HSPA13: variants seen among roughly 807,000 people sequenced by gnomAD.
HSPA13 encodes the protein heat shock protein family A (Hsp70) member 13.
HSPA13 carries 29 observed loss-of-function variants against 38.8 expected under a neutral mutation model. That is an observed-to-expected ratio of 0.75 (90% CI 0.56 to 1.02). The LOEUF (loss-of-function observed/expected upper bound fraction) is 1.02, where lower values mean the gene tolerates loss of function less well. Among genes scored for constraint, HSPA13 ranks in the 50% least tolerant of loss-of-function variants. The probability of loss-of-function intolerance (pLI) is 0.00; values close to 1 mark genes in which losing one functional copy is unlikely to be tolerated. For missense variants in HSPA13, 451 were observed against 560.9 expected, an observed-to-expected ratio of 0.80 and a Z score of 1.98; for synonymous variants, 192 against 205.3, an observed-to-expected ratio of 0.94 and a Z score of 0.56.
chr21:14,372,967 T>C lies in HSPA13; in HGVS notation c.*650A>G, dbSNP rs1404745011. ...TTTCTATTATATGGTGCTGAAACAT[T>C]TGAATACCTTTAGAAATAAAATAAA... On this transcript the variant is annotated 3_prime_UTR_variant, in exon 5 of 5. Transcript: ENST00000285667. 6.6e-6 allele frequency: 1 copy of C among 152,194 alleles called. No individual in the cohort carries two copies. Among genetic ancestry groups the C allele is most frequent in the Admixed American group, 6.5e-5 (1 of 15,272 alleles). 9.4% of individuals were successfully genotyped at this position (152,194 alleles called of 1,614,324 possible).
chr21:14,377,663 C>G (rs1486707063), intron 3 of HSPA13, among the ~76,000 whole-genome samples: 1 of 152,202 alleles, frequency 6.6e-6, no homozygotes, highest in East Asian at 1.9e-4. Flanking sequence ...CACCCTCAAT[C>G]TGGGTGGGCA....
At position 14,371,787 on chromosome 21, in the gene HSPA13, T is replaced by A. The variant is rs537504995; in HGVS notation, c.*1830A>T. ...CTTTATGTTTTAAGCTGATCCTATA[T>A]ATGGAGATTTTGAGATAAATTGGAA... On this transcript the variant is annotated 3_prime_UTR_variant, in exon 5 of 5. Coordinates refer to ENST00000285667, the MANE Select transcript of HSPA13 (RefSeq NM_006948.5). 3 of 152,202 alleles carry A rather than the reference T, an allele frequency of 2.0e-5. No homozygotes were observed. The highest frequency in any genetic ancestry group is 4.4e-5 in the Non-Finnish European group (3 of 67,940). The allele number at this position is 152,202 out of a possible 1,614,324, so 9.4% of individuals were successfully genotyped here.
Position 14,375,777 on chromosome 21 carries a change from G to C in HSPA13, c.623C>G (p.Ala208Gly). ...LRVINEPTAA[A>G]MAYGLHKADV... ...AGCCTTGTGGAGACCATAGGCCATA[G>C]CTGCTGCTGTGGGTTCATTTATTAC... Residue 208 changes from alanine (A) to glycine (G), a missense_variant, in exon 4 of 5, where the codon GCT becomes GGT. Physicochemically the swap from Ala to Gly is moderately conservative, Grantham distance 60 (BLOSUM62 0). Coordinates refer to ENST00000285667, the MANE Select transcript of HSPA13 (RefSeq NM_006948.5). 1 of 1,613,980 alleles carries C rather than the reference G, an allele frequency of 6.2e-7. No individual in the cohort carries two copies. The highest frequency in any genetic ancestry group is 8.5e-7 in the Non-Finnish European group (1 of 1,179,902).
In HSPA13 at chr21:14,371,728, G is replaced by T. The variant is rs1329393956; in HGVS notation, c.*1889C>A. On this transcript the variant is annotated 3_prime_UTR_variant, in exon 5 of 5. Coordinates refer to ENST00000285667, the MANE Select transcript of HSPA13 (RefSeq NM_006948.5). ...CATTAACGGATTAAGAGACTGTCTT[G>T]AACATCTCAAACATTTGAGAAATTC... 1 of 152,026 alleles carries T rather than the reference G, an allele frequency of 6.6e-6. No individual in the cohort carries two copies. Among genetic ancestry groups the T allele is most frequent in the Admixed American group, 6.5e-5 (1 of 15,276 alleles). The allele number at this position is 152,026 out of a possible 1,614,324, so 9.4% of individuals were successfully genotyped here.
rs779884462 is a variant in HSPA13 at position 14,378,296 on chromosome 21, T to C, written c.483A>G (p.Ala161=). 6.2e-6 allele frequency: 10 copies of C among 1,613,946 alleles called. No individual in the cohort carries two copies. In the Admixed American group the frequency reaches 6.7e-5, roughly 11 times the overall value. Residue 161 remains alanine, a synonymous_variant, in exon 3 of 5, where the codon GCA becomes GCG. Coordinates refer to ENST00000285667, the MANE Select transcript of HSPA13 (RefSeq NM_006948.5). ...CATTGGCAACTGGCATTCCAAGATA[T>C]GCCTCTGCCATTTCCTTTAACTTCA... ...LLLKLKEMAE[A]YLGMPVANAV...
intron 3 of HSPA13, 23 bp downstream of exon 3, chr21:14,378,176 A>G (rs1482301404): frequency 5.1e-6 from 8 of 1,577,742 alleles, no homozygotes; most frequent in South Asian, 2.2e-5. Context: ...AGAAAAATGC[A>G]TCTCAGTCAA....
At chr21:14,382,436 T>C (rs1289695979) in intron 1 of HSPA13, among the ~76,000 whole-genome samples, 3 of 152,232 alleles carry the variant, frequency 2.0e-5, no homozygotes, top group African/African-American at 7.2e-5. Flanking sequence ...GGCTGTGTTA[T>C]ACACCTGTGT....
chr21:14,374,030 A>C lies in HSPA13; in HGVS notation c.1003T>G (p.Ser335Ala), dbSNP rs1197789906. ...CTGTTCACGCGATGGTCATCTGCTG[A>C]GGAAAGTTTGTCTTTTGGCAGTTCA... ...DTELPKDKLS[S>A]ADDHRVNSGF... The change falls in exon 5 of 5, where the codon TCA (serine) becomes GCA (alanine). Residue 335 changes from serine to alanine, a missense_variant. By Grantham distance (99) the Ser-to-Ala change is moderately conservative. Transcript: ENST00000285667. 6.2e-7 allele frequency: 1 copy of C among 1,614,214 alleles called. No homozygotes were observed. The highest frequency in any genetic ancestry group is 2.2e-5 in the East Asian group (1 of 44,886).
chr21:14,372,587 A>G lies in HSPA13; in HGVS notation c.*1030T>C, dbSNP rs1399775314. The G allele has an allele frequency of 6.6e-6, 1 of 152,184 alleles. No homozygotes were observed. The highest frequency in any genetic ancestry group is 6.5e-5 in the Admixed American group (1 of 15,284). The allele number at this position is 152,184 out of a possible 1,614,324, so 9.4% of individuals were successfully genotyped here. On this transcript the variant is annotated 3_prime_UTR_variant, in exon 5 of 5. Coordinates refer to ENST00000285667, the MANE Select transcript of HSPA13 (RefSeq NM_006948.5). ...GTGATTATTTAAAAATAATAATAGA[A>G]AACAATAACACAGCTTTTATAATTG...
At chr21:14,381,133 T>C (rs113146632) in intron 2 of HSPA13, 70 bp downstream of exon 2, 1 of 1,155,728 alleles carries the variant, frequency 8.7e-7, no homozygotes, top group South Asian at 1.5e-5. Flanking sequence ...GAATGTTTTG[T>C]GACATGAAGC....
Position 14,383,010 on chromosome 21 carries a change from A to T in HSPA13, c.25+85T>A, listed in dbSNP as rs890223192. 285 of 1,447,598 alleles carry T rather than the reference A, an allele frequency of 2.0e-4. 1 individual carries two copies. Among genetic ancestry groups the T allele is most frequent in the Non-Finnish European group, 2.6e-4 (272 of 1,028,444 alleles). The allele number at this position is 1,447,598 out of a possible 1,614,324, so 89.7% of individuals were successfully genotyped here. A position where few individuals can be genotyped will look rare whatever the true frequency, so the allele number is the denominator to read the frequency against. The stretch of plus-strand genomic sequence containing the variant: ...TTCCGCTGCTCCAGCTAGATCCAGG[A>T]GGTGAGTCAACCACCCCTGCCCACT... On this transcript the variant is annotated intron_variant, in intron 1 of 4. Transcript: ENST00000285667.
chr21:14,382,981 CCCCTT>C, intron 1 of HSPA13, 109 bp downstream of exon 1: 1 of 1,263,550 alleles, frequency 7.9e-7, no homozygotes, highest in Non-Finnish European at 1.2e-6. Context: ...CTTTCTGACT[CCCCTT>C]CCGCTGCTCC....
Position 14,374,070 on chromosome 21 carries a change from AG to A in HSPA13, c.962del (p.Pro321LeufsTer21). ...LTVEEQDRKE[P>X]HSSDTELPKD... is the part of the protein sequence containing the mutation. ...TTGGCAGTTCAGTGTCACTACTGTG[AG>A]GTTCCTTCCTGTCCTGCTCCTCCAC... On this transcript the variant is annotated frameshift_variant, in exon 5 of 5. Transcript: ENST00000285667. LOFTEE classifies it high-confidence loss of function. 3 of 1,614,168 alleles carry A rather than the reference AG, an allele frequency of 1.9e-6. No homozygotes were observed. The highest frequency in any genetic ancestry group is 2.5e-6 in the Non-Finnish European group (3 of 1,180,026).
chr21:14,376,577 C>T (rs1447176798), intron 3 of HSPA13, among the ~76,000 whole-genome samples: 1 of 152,154 alleles, frequency 6.6e-6, no homozygotes. Flanking sequence ...AGTAGTATGG[C>T]ATTATGTATC....
intron 2 of HSPA13, among the ~76,000 whole-genome samples, chr21:14,379,653 G>T (rs952402427): frequency 2.0e-5 from 3 of 152,120 alleles, no homozygotes; most frequent in Non-Finnish European, 2.9e-5. Context: ...AAGATTGTAA[G>T]TCAGTAAAGA....
chr21:14,372,101 A>G lies in HSPA13; in HGVS notation c.*1516T>C, dbSNP rs768957000. ...GATATGAAAAATATTAGTAACATTC[A>G]GCTTTTTACTATGAGAAGCTGAAGT... On this transcript the variant is annotated 3_prime_UTR_variant, in exon 5 of 5. Transcript: ENST00000285667. 1 of 152,078 alleles carries G rather than the reference A, an allele frequency of 6.6e-6. No individual in the cohort carries two copies. The highest frequency in any genetic ancestry group is 2.4e-5 in the African/African-American group (1 of 41,450). 9.4% of individuals were successfully genotyped at this position (152,078 alleles called of 1,614,324 possible).
intron 4 of HSPA13, among the ~76,000 whole-genome samples, chr21:14,374,573 A>C (rs984328525): frequency 6.6e-6 from 1 of 152,190 alleles, no homozygotes; most frequent in African/African-American, 2.4e-5. Context: ...CTATAAAATA[A>C]ATCAATAAAT....
At chr21:14,381,889 T>C (rs1984179912) in intron 1 of HSPA13, among the ~76,000 whole-genome samples, 1 of 152,220 alleles carries the variant, frequency 6.6e-6, no homozygotes, top group Non-Finnish European at 1.5e-5. Flanking sequence ...AAGCCAGATA[T>C]AATCTAATAT....
rs1982866881 is a variant in HSPA13 at position 14,373,116 on chromosome 21, T to C, written c.*501A>G. 1 of 153,576 alleles carries C rather than the reference T, an allele frequency of 6.5e-6. No homozygotes were observed. Among genetic ancestry groups the C allele is most frequent in the South Asian group, 2.0e-4 (1 of 4,932 alleles). The allele number at this position is 153,576 out of a possible 1,614,324, so 9.5% of individuals were successfully genotyped here. ...TATGGCAGTTACTGAATATTACGTATGCAGCTTATGCTAATAATACTGCTA... is the reference window on the plus strand; with the variant it reads ...TATGGCAGTTACTGAATATTACGTACGCAGCTTATGCTAATAATACTGCTA... On this transcript the variant is annotated 3_prime_UTR_variant, in exon 5 of 5. Transcript: ENST00000285667.
Sources: gnomAD v4.1 joint callset for allele counts (sites outside exome capture counted in the v4.1 genomes callset) on GRCh38, gnomAD v4.1.1 for gene constraint, MANE v1.5 for transcripts, NCBI Gene and HGNC (gene_info 2026-07-23, HGNC 2026-07-21) for gene names.